AHRR: variants seen among roughly 807,000 people sequenced by gnomAD.
AHRR encodes ahR repressor.
AHRR carries 28 observed loss-of-function variants against 44.0 expected under a neutral mutation model. The observed-to-expected ratio is 0.64, with a 90% CI of 0.47 to 0.87. The LOEUF (loss-of-function observed/expected upper bound fraction) is 0.87. AHRR is among the 40% of genes least tolerant of loss of function. AHRR has a pLI of 0.00. For synonymous variants in AHRR, 434 were observed against 407.0 expected, an observed-to-expected ratio of 1.07 and a Z score of -0.80; for missense variants, 990 against 953.9, an observed-to-expected ratio of 1.04 and a Z score of -0.50.
Position 344,437 on chromosome 5 carries a change from GGGGGGC to G in AHRR, c.62+474_62+479del, listed in dbSNP as rs1272948560. 8.4e-4 allele frequency among the ~76,000 whole-genome samples: 22 copies of G among 26,330 alleles called. 1 individual carries two copies. Among genetic ancestry groups the G allele is most frequent in the Non-Finnish European group, 1.4e-3 (15 of 10,880 alleles). The allele number at this position is 26,330 out of a possible 152,430, so 17.3% of individuals were successfully genotyped here. On this transcript the variant is annotated intron_variant, in intron 2 of 10. Coordinates refer to ENST00000684583, the MANE Select transcript of AHRR (RefSeq NM_001377236.1). ...GTGTGTGCGGTATGTGTGAGGCTGTGGGGGGCTGTGTGTGGGGTGTGTGTGTGTGAG... is the reference window on the plus strand; with the variant it reads ...GTGTGTGCGGTATGTGTGAGGCTGTGTGTGTGTGGGGTGTGTGTGTGTGAG...
intron 5 of AHRR, among the ~76,000 whole-genome samples, chr5:420,644 G>A (rs186994263): frequency 2.6e-5 from 4 of 152,386 alleles, no homozygotes; most frequent in African/African-American, 7.2e-5. Flanking sequence ...CCCATGTGGA[G>A]AGGATGGAAG....
At chr5:408,761 G>A (rs1465587357) in intron 4 of AHRR, among the ~76,000 whole-genome samples, 1 of 152,154 alleles carries the variant, frequency 6.6e-6, no homozygotes, top group Non-Finnish European at 1.5e-5. Flanking sequence ...GCATTGAAAT[G>A]ATCTGACCTG....
chr5:338,743 C>G lies in AHRR; in HGVS notation c.-10-5150C>G, dbSNP rs1271496535. On this transcript the variant is annotated intron_variant, in intron 1 of 10. Coordinates refer to ENST00000684583, the MANE Select transcript of AHRR (RefSeq NM_001377236.1). This position sits in a 1 kb window ranked among gnomAD's most constrained non-coding sequence, Gnocchi z 4.1. ...TTATGAGCAATTTGATTATGATATG[C>G]CTTGGTGTAATTTTCCTGTTTCTTG... Among the ~76,000 whole-genome samples the G allele has an allele frequency of 6.6e-6, 1 of 152,048 alleles. No individual in the cohort carries two copies. The highest frequency in any genetic ancestry group is 1.5e-5 in the Non-Finnish European group (1 of 68,024).
intron 1 of AHRR, among the ~76,000 whole-genome samples, chr5:323,868 C>T (rs930805852): frequency 5.3e-5 from 8 of 152,096 alleles, no homozygotes; most frequent in African/African-American, 1.9e-4. Context: ...GGAGAGTCGG[C>T]TCACAGACAG....
rs1742511840 is a variant in AHRR at position 344,502 on chromosome 5, GGGT to G, written c.62+540_62+542del. Among the ~76,000 whole-genome samples, 10 of 2,880 alleles carry G rather than the reference GGGT, an allele frequency of 3.5e-3. No individual in the cohort carries two copies. The African/African-American group carries it at 0.036, about 10-fold the overall frequency. The allele number at this position is 2,880 out of a possible 152,430, so 1.9% of individuals were successfully genotyped here. A position where few individuals can be genotyped will look rare whatever the true frequency, so the allele number is the denominator to read the frequency against. On this transcript the variant is annotated intron_variant, in intron 2 of 10. Transcript: ENST00000684583. The stretch of plus-strand genomic sequence containing the variant: ...TGCGCGGGGGGAGCTGTGTGTGTGT[GGGT>G]GTGTGTGTGTGAGGCTGTGGGGGGC...
intron 1 of AHRR, among the ~76,000 whole-genome samples, chr5:333,121 T>G (rs939471867): frequency 1.3e-5 from 2 of 151,944 alleles, no homozygotes; most frequent in African/African-American, 4.8e-5. Context: ...TTGCCTAGGC[T>G]GGTCTCAAAC....
Position 405,135 on chromosome 5 carries a change from T to C in AHRR, c.352-8209T>C, listed in dbSNP as rs1735200664. Among the ~76,000 whole-genome samples the C allele has an allele frequency of 6.6e-6, 1 of 151,980 alleles. No individual in the cohort carries two copies. The highest frequency in any genetic ancestry group is 2.4e-5 in the African/African-American group (1 of 41,380). On this transcript the variant is annotated intron_variant, in intron 4 of 10. Transcript: ENST00000684583. The surrounding 1 kb of genome is among the most constrained non-coding windows in gnomAD (Gnocchi z 4.5). ...CATTTCCCCATTTCTCTTGGGGAAATCTGGGCAAACCGAGAGCTTGTGAAC... is the reference window on the plus strand; with the variant it reads ...CATTTCCCCATTTCTCTTGGGGAAACCTGGGCAAACCGAGAGCTTGTGAAC...
intron 3 of AHRR, 75 bp from the exon 4 acceptor site, chr5:376,535 A>C (rs1733675346): frequency 1.8e-5 from 27 of 1,465,494 alleles, no homozygotes; most frequent in East Asian, 7.2e-5. Context: ...GGGGAAACAC[A>C]GGAAAGATGT....
rs188421038 is a variant in AHRR at position 383,669 on chromosome 5, C to A, written c.351+6953C>A. ...CCTTGAACTCCTGAGCTCAAGAGAT[C>A]CTCCCGCTTCAGCTTCTTGAGTAGC... On this transcript the variant is annotated intron_variant, in intron 4 of 10. Transcript: ENST00000684583. This position sits in a 1 kb window ranked among gnomAD's most constrained non-coding sequence, Gnocchi z 4.0. Among the ~76,000 whole-genome samples the A allele has an allele frequency of 1.9e-4, 29 of 152,112 alleles. No individual in the cohort carries two copies. Among genetic ancestry groups the A allele is most frequent in the African/African-American group, 6.7e-4 (28 of 41,482 alleles).
chr5:392,531 C>G (rs1293604553), intron 4 of AHRR, among the ~76,000 whole-genome samples: 1 of 152,168 alleles, frequency 6.6e-6, no homozygotes, highest in East Asian at 1.9e-4. Flanking sequence ...CGTCCACAGC[C>G]AGGCCTAAAG....
Position 419,285 on chromosome 5 carries a change from C to T in AHRR, c.442-3444C>T, listed in dbSNP as rs1223108515. Among the ~76,000 whole-genome samples, 6 of 151,828 alleles carry T rather than the reference C, an allele frequency of 4.0e-5. No homozygotes were observed. The highest frequency in any genetic ancestry group is 7.4e-5 in the Non-Finnish European group (5 of 68,014). On this transcript the variant is annotated intron_variant, in intron 5 of 10. Transcript: ENST00000684583. The surrounding 1 kb of genome is among the most constrained non-coding windows in gnomAD (Gnocchi z 4.4). ...GTTCAAGCAAGTCTCCTGCCTCAGCCTCCTGAGTAGCTGAGATTACAGGTG... is the reference window on the plus strand; with the variant it reads ...GTTCAAGCAAGTCTCCTGCCTCAGCTTCCTGAGTAGCTGAGATTACAGGTG...
intron 3 of AHRR, among the ~76,000 whole-genome samples, chr5:374,771 G>A (rs11740784): frequency 0.057 from 8,741 of 152,312 alleles, 385 homozygotes; most frequent in Non-Finnish European, 0.077. Flanking sequence ...TAGCTCGTCA[G>A]CATCCCTGCA....
chr5:381,304 T>C (rs1733971754), intron 4 of AHRR, among the ~76,000 whole-genome samples: 1 of 152,156 alleles, frequency 6.6e-6, no homozygotes. Flanking sequence ...AACCATCACA[T>C]AGATTATAAT....
At position 404,069 on chromosome 5, in the gene AHRR, C is replaced by T. The variant is rs1340733644; in HGVS notation, c.352-9275C>T. 2.7e-5 allele frequency: 18 copies of T among 676,116 alleles called. No homozygotes were observed. Among genetic ancestry groups the T allele is most frequent in the South Asian group, 1.3e-4 (9 of 67,388 alleles). The allele number at this position is 676,116 out of a possible 1,614,324, so 41.9% of individuals were successfully genotyped here. On this transcript the variant is annotated intron_variant, in intron 4 of 10. Coordinates refer to ENST00000684583, the MANE Select transcript of AHRR (RefSeq NM_001377236.1). The surrounding 1 kb of genome is among the most constrained non-coding windows in gnomAD (Gnocchi z 4.1). Reference sequence around the variant, plus strand: ...TTTGCATCCAAATCATGTTGTCCAGCGTTTGAAGAAAAAGTCAGTTCCGTT... The same window carrying T: ...TTTGCATCCAAATCATGTTGTCCAGTGTTTGAAGAAAAAGTCAGTTCCGTT...
At chr5:402,510 G>A (rs948019713) in intron 4 of AHRR, among the ~76,000 whole-genome samples, 11 of 139,054 alleles carry the variant, frequency 7.9e-5, no homozygotes, top group South Asian at 2.3e-4. Flanking sequence ...CACTGTTGGC[G>A]GGAAGGCAGT....
chr5:399,140 G>A (rs973196310), intron 4 of AHRR, among the ~76,000 whole-genome samples: 2 of 152,222 alleles, frequency 1.3e-5, no homozygotes, highest in Non-Finnish European at 2.9e-5. Flanking sequence ...GTGTGGAGCC[G>A]CAGGTGCAGA....
intron 1 of AHRR, among the ~76,000 whole-genome samples, chr5:341,479 C>T (rs1053262432): frequency 1.4e-5 from 2 of 144,224 alleles, no homozygotes; most frequent in Non-Finnish European, 3.0e-5. Context: ...GGTTTAATCA[C>T]TTTCCTTCCC....
chr5:385,464 C>T (rs1416402559), intron 4 of AHRR, among the ~76,000 whole-genome samples: 2 of 152,178 alleles, frequency 1.3e-5, no homozygotes, highest in Non-Finnish European at 2.9e-5. Context: ...TATAAACCAC[C>T]ATGCCCAGCT....
intron 3 of AHRR, chr5:367,851 C>T (rs1743418519): frequency 2.8e-6 from 2 of 702,590 alleles, no homozygotes; most frequent in Non-Finnish European, 5.2e-6. Flanking sequence ...TGGATGACCA[C>T]ACGGGCGAAC....
Sources: gnomAD v4.1 joint callset for allele counts (sites outside exome capture counted in the v4.1 genomes callset) on GRCh38, gnomAD v4.1.1 for gene constraint, Gnocchi (gnomAD v3.1) non-coding constraint, MANE v1.5 for transcripts, NCBI Gene and HGNC (gene_info 2026-07-23, HGNC 2026-07-21) for gene names.